The following LRRTM4 variants were observed in gnomAD, a reference collection of about 807,000 sequenced individuals.
LRRTM4 encodes the protein leucine rich repeat transmembrane neuronal 4, also known as leucine-rich repeat transmembrane neuronal protein 4.
LRRTM4 carries 25 observed loss-of-function variants against 47.6 expected under a neutral mutation model. That is an observed-to-expected ratio of 0.53 (90% CI 0.38 to 0.73). The LOEUF is 0.73. LRRTM4 is among the 30% of genes least tolerant of loss of function. The probability of loss-of-function intolerance (pLI) is 0.00; values close to 1 mark genes in which losing one functional copy is unlikely to be tolerated. For synonymous variants in LRRTM4, 311 were observed against 269.5 expected, an observed-to-expected ratio of 1.15 and a Z score of -1.51; for missense variants, 638 against 713.4, an observed-to-expected ratio of 0.89 and a Z score of 1.20.
chr2:77,238,651 G>T (rs568943535), intron 3 of LRRTM4, among the ~76,000 whole-genome samples: 9 of 152,000 alleles, frequency 5.9e-5, no homozygotes, highest in Non-Finnish European at 1.2e-4. Flanking sequence ...TGGACACATT[G>T]TATTCAAACT....
intron 3 of LRRTM4, among the ~76,000 whole-genome samples, chr2:77,065,839 C>T (rs1679932672): frequency 6.6e-6 from 1 of 152,086 alleles, no homozygotes; most frequent in African/African-American, 2.4e-5. Flanking sequence ...TCTGAGATGC[C>T]ATTTTTATAT....
At chr2:76,969,326 C>A (rs1252584390) in intron 3 of LRRTM4, among the ~76,000 whole-genome samples, 1 of 151,718 alleles carries the variant, frequency 6.6e-6, no homozygotes, top group East Asian at 1.9e-4. Context: ...ATTTTCTGTT[C>A]TTTCTGTTAC....
chr2:77,345,000 A>G (rs1029789325), intron 3 of LRRTM4, among the ~76,000 whole-genome samples: 1 of 151,498 alleles, frequency 6.6e-6, no homozygotes, highest in Non-Finnish European at 1.5e-5. Context: ...TTATATAAAT[A>G]GTTATTGATA....
At chr2:76,865,712 A>C (rs1374757897) in intron 3 of LRRTM4, among the ~76,000 whole-genome samples, 1 of 152,192 alleles carries the variant, frequency 6.6e-6, no homozygotes, top group Admixed American at 6.5e-5. Flanking sequence ...ATCAGAGAGA[A>C]GTATACTTAC....
intron 3 of LRRTM4, among the ~76,000 whole-genome samples, chr2:77,044,682 T>C: frequency 6.6e-6 from 1 of 151,562 alleles, no homozygotes; most frequent in East Asian, 1.9e-4. Context: ...TATACACACA[T>C]ATTACAAAAT....
At chr2:77,164,926 A>T (rs1672836652) in intron 3 of LRRTM4, among the ~76,000 whole-genome samples, 1 of 152,172 alleles carries the variant, frequency 6.6e-6, no homozygotes, top group Non-Finnish European at 1.5e-5. Context: ...GAGCAAACAC[A>T]TTCAAAAGCT....
intron 3 of LRRTM4, among the ~76,000 whole-genome samples, chr2:77,065,989 T>C (rs1055158720): frequency 3.3e-5 from 5 of 152,204 alleles, no homozygotes; most frequent in African/African-American, 1.2e-4. Context: ...CTAATAGATC[T>C]ATACAGTATG....
At chr2:77,300,794 G>C (rs1267642315) in intron 3 of LRRTM4, among the ~76,000 whole-genome samples, 5 of 151,988 alleles carry the variant, frequency 3.3e-5, no homozygotes, top group African/African-American at 1.2e-4. Context: ...TCATCCATTT[G>C]ATTAAGATAG....
intron 3 of LRRTM4, among the ~76,000 whole-genome samples, chr2:77,345,310 A>C (rs967688438): frequency 3.9e-5 from 6 of 151,978 alleles, no homozygotes; most frequent in African/African-American, 4.8e-5. Flanking sequence ...GGATTTTATC[A>C]AAGCTCAAAA....
At chr2:77,132,355 T>C (rs1296046714) in intron 3 of LRRTM4, among the ~76,000 whole-genome samples, 3 of 152,220 alleles carry the variant, frequency 2.0e-5, no homozygotes, top group African/African-American at 7.2e-5. Flanking sequence ...AGTACTTCAT[T>C]GTGTGTATAT....
chr2:76,989,585 C>A (rs536730390), intron 3 of LRRTM4, among the ~76,000 whole-genome samples: 1 of 151,692 alleles, frequency 6.6e-6, no homozygotes, highest in Non-Finnish European at 1.5e-5. Flanking sequence ...GCAATCTTTC[C>A]CTGTCTTTGC....
At chr2:76,842,615 T>A (rs1288684389) in intron 3 of LRRTM4, among the ~76,000 whole-genome samples, 1 of 152,190 alleles carries the variant, frequency 6.6e-6, no homozygotes, top group Non-Finnish European at 1.5e-5. Flanking sequence ...GTTGACTCAC[T>A]CACATAATTT....
chr2:77,258,596 G>GA (rs556604383), intron 3 of LRRTM4, among the ~76,000 whole-genome samples: 115 of 147,604 alleles, frequency 7.8e-4, no homozygotes, highest in Middle Eastern at 3.4e-3. Context: ...TAAAAATTAG[G>GA]AAAAAAAAAC....
At chr2:77,482,117 A>G (rs1435779866) in intron 3 of LRRTM4, among the ~76,000 whole-genome samples, 1 of 152,178 alleles carries the variant, frequency 6.6e-6, no homozygotes, top group East Asian at 1.9e-4. Context: ...CCTGAGCTTC[A>G]ATCAGTGATT....
At chr2:77,073,914 G>C (rs1680247004) in intron 3 of LRRTM4, among the ~76,000 whole-genome samples, 1 of 151,648 alleles carries the variant, frequency 6.6e-6, no homozygotes, top group Non-Finnish European at 1.5e-5. Flanking sequence ...CTTCAGCTGA[G>C]GGCATTTTAT....
intron 3 of LRRTM4, among the ~76,000 whole-genome samples, chr2:77,393,387 A>G (rs578128881): frequency 1.3e-5 from 2 of 152,078 alleles, no homozygotes; most frequent in Non-Finnish European, 2.9e-5. Flanking sequence ...GGGAAAACAT[A>G]AGAGAAAAGG....
chr2:77,509,058 C>A (rs1227843529), intron 3 of LRRTM4, among the ~76,000 whole-genome samples: 3 of 151,798 alleles, frequency 2.0e-5, no homozygotes, highest in Non-Finnish European at 4.4e-5. Flanking sequence ...ATGGTGAAAC[C>A]CTGTCTCTAC....
intron 3 of LRRTM4, among the ~76,000 whole-genome samples, chr2:76,954,588 CGAA>C (rs1675608613): frequency 6.6e-6 from 1 of 151,204 alleles, no homozygotes; most frequent in African/African-American, 2.4e-5. Flanking sequence ...GAGTTCCAGA[CGAA>C]GAAGAAGAGA....
intron 3 of LRRTM4, among the ~76,000 whole-genome samples, chr2:77,043,398 A>G (rs543034261): frequency 2.6e-5 from 4 of 151,916 alleles, no homozygotes; most frequent in African/African-American, 9.6e-5. Flanking sequence ...ATTGTCCTCC[A>G]ACTATAACAC....
Sources: allele counts gnomAD v4.1 joint callset (sites outside exome capture counted in the v4.1 genomes callset), GRCh38; gene constraint gnomAD v4.1.1; transcripts MANE v1.5; gene names NCBI Gene and HGNC (gene_info 2026-07-23, HGNC 2026-07-21).